Variants in CFHR1 observed in about 807,000 individuals in gnomAD.
CFHR1 encodes the protein complement factor H-related protein 1.
Under a neutral mutation model 30.4 loss-of-function variants are expected in CFHR1, and 22 were observed. The ratio of observed to expected loss-of-function variants is 0.72; its 90% confidence interval spans 0.52 to 1.03. The LOEUF (loss-of-function observed/expected upper bound fraction) is 1.03, where lower values mean the gene tolerates loss of function less well. CFHR1 is among the 50% of genes least tolerant of loss of function. The probability of loss-of-function intolerance (pLI) is 0.00; values close to 1 mark genes in which losing one functional copy is unlikely to be tolerated. For synonymous variants in CFHR1, 95 were observed against 129.1 expected, an observed-to-expected ratio of 0.74 and a Z score of 1.79; for missense variants, 248 against 380.6, an observed-to-expected ratio of 0.65 and a Z score of 2.90.
At chr1:196,823,714 G>T (rs1426414608) in intron 1 of CFHR1, among the ~76,000 whole-genome samples, 1 of 135,192 alleles carries the variant, frequency 7.4e-6, no homozygotes, top group East Asian at 2.0e-4. Context: ...AAAATATCTT[G>T]ACATAAAAAC....
Position 196,831,865 on chromosome 1 carries a change from A to G in CFHR1, c.859A>G (p.Lys287Glu). 3 of 1,525,594 alleles carry G rather than the reference A, an allele frequency of 2.0e-6. 1 individual carries two copies. The highest frequency in any genetic ancestry group is 2.7e-6 in the Non-Finnish European group (3 of 1,129,468). The allele number at this position is 1,525,594 out of a possible 1,614,324, so 94.5% of individuals were successfully genotyped here. A position where few individuals can be genotyped will look rare whatever the true frequency, so the allele number is the denominator to read the frequency against. ...AGCATTAAGGTGGACAGCCAAACAGAAGCTTTATTTGAGAACAGGTGAATC... is the reference window on the plus strand; with the variant it reads ...AGCATTAAGGTGGACAGCCAAACAGGAGCTTTATTTGAGAACAGGTGAATC... ...NIALRWTAKQKLYLRTGESAE... is the reference protein window; with the variant it reads ...NIALRWTAKQELYLRTGESAE... Residue 287 changes from lysine to glutamate, a missense_variant, in exon 6 of 6, where the codon AAG becomes GAG. Lys to Glu is a moderately conservative substitution (Grantham distance 56). Around this residue, in one of 3 missense-constraint regions of CFHR1, gnomAD observed 112 missense variants for 156.4 expected, o/e 0.72. Coordinates refer to ENST00000320493, the MANE Select transcript of CFHR1 (RefSeq NM_002113.3).
chr1:196,825,719 G>A, intron 2 of CFHR1, 48 bp downstream of exon 2: 1 of 1,445,830 alleles, frequency 6.9e-7, no homozygotes, highest in Non-Finnish European at 9.4e-7. Flanking sequence ...AGTGAATAGA[G>A]AAGGATATGC....
At chr1:196,827,714 A>C (rs1440674019) in intron 3 of CFHR1, among the ~76,000 whole-genome samples, 1 of 125,374 alleles carries the variant, frequency 8.0e-6, no homozygotes, top group Non-Finnish European at 1.6e-5. Flanking sequence ...GACTTTTTGC[A>C]TTTTATAAAT....
chr1:196,820,953 C>T (rs1314270430), intron 1 of CFHR1: 1 of 133,548 alleles, frequency 7.5e-6, no homozygotes, highest in Non-Finnish European at 1.5e-5. Context: ...AATTCTCCTG[C>T]GTCAGCCTCC....
rs773832372 is a variant in CFHR1 at position 196,831,943 on chromosome 1, T to C, written c.937T>C (p.Leu313=). The change falls in exon 6 of 6, where the codon TTG becomes CTG. Residue 313 remains leucine (L), a synonymous_variant. Transcript: ENST00000320493. ...GYRLSSRSHT[L]RTTCWDGKLE... ...TCGTCTTTCATCACGTTCTCACACA[T>C]TGCGAACAACATGTTGGGATGGGAA... 7.9e-6 allele frequency: 12 copies of C among 1,525,202 alleles called. 1 individual carries two copies. The Admixed American group carries it at 1.2e-4, about 15-fold the overall frequency. 94.5% of individuals were successfully genotyped at this position (1,525,202 alleles called of 1,614,324 possible). A position where few individuals can be genotyped will look rare whatever the true frequency, so the allele number is the denominator to read the frequency against.
At chr1:196,824,018 T>A (rs1391808183) in intron 1 of CFHR1, among the ~76,000 whole-genome samples, 1 of 92,354 alleles carries the variant, frequency 1.1e-5, no homozygotes, top group Non-Finnish European at 2.1e-5. Context: ...AAAAAAAGAG[T>A]AAAAAGTATG....
Position 196,826,134 on chromosome 1 carries a change from A to G in CFHR1, c.253+463A>G, listed in dbSNP as rs1364670869. 6.8e-5 allele frequency: 10 copies of G among 147,306 alleles called. 2 individuals are homozygous for G. Among genetic ancestry groups the G allele is most frequent in the Non-Finnish European group, 1.1e-4 (8 of 71,694 alleles). The allele number at this position is 147,306 out of a possible 1,614,324, so 9.1% of individuals were successfully genotyped here. A position where few individuals can be genotyped will look rare whatever the true frequency, so the allele number is the denominator to read the frequency against. On this transcript the variant is annotated intron_variant, in intron 2 of 5. Transcript: ENST00000320493. Reference sequence around the variant, plus strand: ...GCTATATTAATTCTCCAATAAATGTAGAGAGCAGACTCCAATGATAACAGG... The same window carrying G: ...GCTATATTAATTCTCCAATAAATGTGGAGAGCAGACTCCAATGATAACAGG...
At chr1:196,824,723 C>T (rs1179825807) in intron 1 of CFHR1, among the ~76,000 whole-genome samples, 5 of 86,972 alleles carry the variant, frequency 5.7e-5, no homozygotes, top group South Asian at 4.3e-4. Context: ...TTGAATCAGA[C>T]GAAGTGAAAC....
chr1:196,826,474 T>G (rs112412938), intron 2 of CFHR1, among the ~76,000 whole-genome samples: 3 of 49,256 alleles, frequency 6.1e-5, no homozygotes, highest in East Asian at 8.8e-4. Context: ...TCCTTTTTAA[T>G]TTTTTTTGTT....
At chr1:196,826,563 G>C (rs1264605590) in intron 2 of CFHR1, among the ~76,000 whole-genome samples, 2 of 133,312 alleles carry the variant, frequency 1.5e-5, no homozygotes, top group Non-Finnish European at 3.1e-5. Flanking sequence ...TGATTCTCCT[G>C]TCTCAGCCTC....
Position 196,825,475 on chromosome 1 carries a change from A to G in CFHR1, c.59-2A>G. On this transcript the variant is annotated splice_acceptor_variant, in intron 1 of 5. Coordinates refer to ENST00000320493, the MANE Select transcript of CFHR1 (RefSeq NM_002113.3). LOFTEE classifies it high-confidence loss of function. The stretch of plus-strand genomic sequence containing the variant: ...TTCTTCAGTTTTATGTTATTTTCCC[A>G]GCAACATTTTGTGATTTTCCAAAAA... 6.8e-7 allele frequency: 1 copy of G among 1,466,722 alleles called. No homozygotes were observed. Among genetic ancestry groups the G allele is most frequent in the Non-Finnish European group, 9.3e-7 (1 of 1,079,396 alleles). 90.9% of individuals were successfully genotyped at this position (1,466,722 alleles called of 1,614,324 possible). A position where few individuals can be genotyped will look rare whatever the true frequency, so the allele number is the denominator to read the frequency against.
At chr1:196,825,772 C>A in intron 2 of CFHR1, 101 bp downstream of exon 2, 4 of 1,208,116 alleles carry the variant, frequency 3.3e-6, no homozygotes, top group Non-Finnish European at 3.5e-6. Context: ...GGACAGTGAC[C>A]AAAGAAGCTG....
intron 2 of CFHR1, among the ~76,000 whole-genome samples, chr1:196,826,468 T>G (rs1655326945): frequency 1.1e-5 from 1 of 90,068 alleles, no homozygotes; most frequent in Non-Finnish European, 2.1e-5. Flanking sequence ...AAGCTTTCCT[T>G]TTTAATTTTT....
rs372142796 is a variant in CFHR1 at position 196,820,632 on chromosome 1, A to T, written c.58+730A>T. Among the ~76,000 whole-genome samples, 950 of 120,024 alleles carry T rather than the reference A, an allele frequency of 7.9e-3. 30 individuals carry two copies. The highest frequency in any genetic ancestry group is 0.029 in the African/African-American group (798 of 27,424). The allele number at this position is 120,024 out of a possible 152,430, so 78.7% of individuals were successfully genotyped here. On this transcript the variant is annotated intron_variant, in intron 1 of 5. Coordinates refer to ENST00000320493, the MANE Select transcript of CFHR1 (RefSeq NM_002113.3). The stretch of plus-strand genomic sequence containing the variant: ...GATACTAATTAAACTATGTCTGTAC[A>T]TGGAGTTTCGATCATTATGCTTTAC...
intron 4 of CFHR1, among the ~76,000 whole-genome samples, chr1:196,830,068 GT>G: frequency 7.4e-6 from 1 of 134,838 alleles, no homozygotes; most frequent in East Asian, 2.0e-4. Context: ...TATATTCAGT[GT>G]TTTTAAAAAA....
intron 2 of CFHR1, 57 bp from the exon 3 acceptor site, chr1:196,826,772 G>C (rs779185965): frequency 7.2e-7 from 1 of 1,383,616 alleles, no homozygotes; most frequent in East Asian, 2.3e-5. Flanking sequence ...TTAAAATGCA[G>C]TTGTACTTTT....
intron 1 of CFHR1, among the ~76,000 whole-genome samples, chr1:196,821,921 G>C (rs1185423100): frequency 8.5e-6 from 1 of 117,444 alleles, no homozygotes; most frequent in Admixed American, 8.4e-5. Flanking sequence ...ATAGCCTGTC[G>C]CTCCTAGGCT....
chr1:196,832,131 A>G lies in CFHR1; in HGVS notation c.*132A>G. 1 of 830,954 alleles carries G rather than the reference A, an allele frequency of 1.2e-6. No individual in the cohort carries two copies. Among genetic ancestry groups the G allele is most frequent in the Non-Finnish European group, 1.9e-6 (1 of 535,912 alleles). 51.5% of individuals were successfully genotyped at this position (830,954 alleles called of 1,614,324 possible). ...TGGATTAATTTGTGAAAATGTAATT[A>G]TAAGCTGAGACCGGTGGCTCTCTTC... is the stretch of plus-strand genomic sequence containing the variant. On this transcript the variant is annotated 3_prime_UTR_variant, in exon 6 of 6. Coordinates refer to ENST00000320493, the MANE Select transcript of CFHR1 (RefSeq NM_002113.3).
chr1:196,825,961 C>A, intron 2 of CFHR1: 1 of 246,520 alleles, frequency 4.1e-6, no homozygotes. Context: ...ATATTCATTT[C>A]GCAGCAGCCT....
Sources: allele counts gnomAD v4.1 joint callset (sites outside exome capture counted in the v4.1 genomes callset), GRCh38; gene constraint gnomAD v4.1.1; regional missense constraint gnomAD v4.1.1; transcripts MANE v1.5; gene names NCBI Gene and HGNC (gene_info 2026-07-23, HGNC 2026-07-21).